Variants in TRAPPC9 observed in about 807,000 individuals in gnomAD.
TRAPPC9 encodes IKK2 binding protein.
In TRAPPC9, 83 loss-of-function variants were observed where a neutral mutation model predicts 124.0. The ratio of observed to expected loss-of-function variants is 0.67; its 90% CI spans 0.56 to 0.80. The LOEUF is 0.80. TRAPPC9 is among the 30% of genes least tolerant of loss of function. TRAPPC9 has a pLI of 0.00. For missense variants in TRAPPC9, 1,302 were observed against 1,508.3 expected (o/e 0.86, Z 2.27); for synonymous variants, 638 against 617.5 (o/e 1.03, Z -0.49).
At chr8:139,967,293 G>A (rs1445377031) in intron 19 of TRAPPC9, among the ~76,000 whole-genome samples, 2 of 152,168 alleles carry the variant, frequency 1.3e-5, no homozygotes, top group Non-Finnish European at 2.9e-5. Context: ...AATGAAAGCA[G>A]ACCGCAGCAG....
chr8:140,168,336 C>T (rs2061888555), intron 17 of TRAPPC9, among the ~76,000 whole-genome samples: 1 of 150,910 alleles, frequency 6.6e-6, no homozygotes, highest in East Asian at 2.0e-4. Flanking sequence ...CAATGTTATG[C>T]AACCACCTCT....
intron 17 of TRAPPC9, among the ~76,000 whole-genome samples, chr8:140,047,608 C>T (rs1418463476): frequency 6.6e-6 from 1 of 152,110 alleles, no homozygotes; most frequent in South Asian, 2.1e-4. Flanking sequence ...GCTCTGCCTG[C>T]TTCTCTGCAG....
chr8:140,225,246 C>G (rs907903960), intron 16 of TRAPPC9, among the ~76,000 whole-genome samples: 2 of 152,172 alleles, frequency 1.3e-5, no homozygotes, highest in African/African-American at 4.8e-5. Context: ...GTAGCTGATG[C>G]AGGCTCTAAC....
At chr8:139,866,677 A>C (rs370006378) in intron 21 of TRAPPC9, among the ~76,000 whole-genome samples, 2 of 152,316 alleles carry the variant, frequency 1.3e-5, no homozygotes, top group East Asian at 3.9e-4. Context: ...ACAAACCATA[A>C]GGAACTGTGC....
chr8:140,451,542 C>T (rs1255503913), intron 1 of TRAPPC9, among the ~76,000 whole-genome samples, 159 bp from the exon 2 acceptor site: 1 of 152,170 alleles, frequency 6.6e-6, no homozygotes, highest in Non-Finnish European at 1.5e-5. Flanking sequence ...ACGTGGCTGT[C>T]GCAGCTCTGA....
chr8:140,215,547 G>A (rs1352666536), intron 17 of TRAPPC9, among the ~76,000 whole-genome samples: 9 of 151,884 alleles, frequency 5.9e-5, no homozygotes, highest in African/African-American at 1.9e-4. Flanking sequence ...TTGGGAGGCT[G>A]AGGCAGGAGA....
chr8:139,946,079 T>C (rs1834195408), intron 19 of TRAPPC9, among the ~76,000 whole-genome samples: 1 of 152,196 alleles, frequency 6.6e-6, no homozygotes, highest in South Asian at 2.1e-4. Context: ...GATACAAATG[T>C]GTGTGGAAAT....
intron 21 of TRAPPC9, among the ~76,000 whole-genome samples, chr8:139,741,099 C>T (rs1818523378): frequency 6.6e-6 from 1 of 152,192 alleles, no homozygotes. Context: ...CCACGGCCTC[C>T]CCCTCCTCCA....
chr8:140,068,815 G>T (rs1842999076), intron 17 of TRAPPC9, among the ~76,000 whole-genome samples: 1 of 152,194 alleles, frequency 6.6e-6, no homozygotes, highest in South Asian at 2.1e-4. Flanking sequence ...AATTAAATCA[G>T]TGAGTATTAA....
chr8:139,836,304 C>T (rs1826344570), intron 21 of TRAPPC9, among the ~76,000 whole-genome samples: 1 of 152,216 alleles, frequency 6.6e-6, no homozygotes, highest in African/African-American at 2.4e-5. Context: ...CACCACACCC[C>T]AGTAAAGGGA....
intron 21 of TRAPPC9, among the ~76,000 whole-genome samples, chr8:139,839,775 C>T (rs1393281986): frequency 6.6e-6 from 1 of 152,168 alleles, no homozygotes; most frequent in Non-Finnish European, 1.5e-5. Context: ...CCAGGGTGAG[C>T]AAACGGACCA....
chr8:139,965,110 T>TA (rs1396900060), intron 19 of TRAPPC9, among the ~76,000 whole-genome samples: 1 of 151,948 alleles, frequency 6.6e-6, no homozygotes, highest in Non-Finnish European at 1.5e-5. Flanking sequence ...AGGGGGTCTC[T>TA]GGGGGACACA....
At chr8:140,078,970 TC>T (rs1194252150) in intron 17 of TRAPPC9, among the ~76,000 whole-genome samples, 3 of 152,260 alleles carry the variant, frequency 2.0e-5, no homozygotes, top group African/African-American at 7.2e-5. Context: ...GAATTGTAGC[TC>T]CCATAATTCC....
At chr8:139,972,270 TA>T (rs1836151507) in intron 19 of TRAPPC9, among the ~76,000 whole-genome samples, 1 of 152,188 alleles carries the variant, frequency 6.6e-6, no homozygotes, top group Admixed American at 6.5e-5. Flanking sequence ...TCTCAGCTTA[TA>T]AAATGCCCAT....
Position 140,070,008 on chromosome 8 carries a change from G to A in TRAPPC9, c.2557-45929C>T, listed in dbSNP as rs186081805. Among the ~76,000 whole-genome samples the A allele has an allele frequency of 4.8e-4, 73 of 152,262 alleles. 1 individual carries two copies. The highest frequency in any genetic ancestry group is 2.1e-3 in the South Asian group (10 of 4,824). ...GCCTTTCTGTTCCACCCAGGCCCCCGGCTAATGGATGGTGCCACCCACACT... is the reference window on the plus strand; with the variant it reads ...GCCTTTCTGTTCCACCCAGGCCCCCAGCTAATGGATGGTGCCACCCACACT... On this transcript the variant is annotated intron_variant, in intron 17 of 22. Transcript: ENST00000438773.
chr8:140,338,954 C>T (rs2067119508), intron 9 of TRAPPC9, among the ~76,000 whole-genome samples: 1 of 120,908 alleles, frequency 8.3e-6, no homozygotes, highest in African/African-American at 3.4e-5. Context: ...AGAAAACCAC[C>T]GCCACCAGAC....
In TRAPPC9 at chr8:140,397,708, A is replaced by T; in HGVS notation, c.1046T>A (p.Ile349Asn). 6.2e-7 allele frequency: 1 copy of T among 1,614,190 alleles called. No homozygotes were observed. Among genetic ancestry groups the T allele is most frequent in the South Asian group, 1.1e-5 (1 of 91,084 alleles). ...AATTGCAAGGACACGTACAGCCTTG[A>T]TGCACGCTTCCAACTCAATCACTCC... ...NAGVIELEACIKAVRVLAIQK... is the reference protein window; with the variant it reads ...NAGVIELEACNKAVRVLAIQK... Residue 349 changes from isoleucine (I) to asparagine (N), a missense_variant, in exon 7 of 23, where the codon ATC (isoleucine) becomes AAC (asparagine). Transcript: ENST00000438773.
intron 1 of TRAPPC9, among the ~76,000 whole-genome samples, chr8:140,455,628 A>G (rs1157281464): frequency 6.7e-6 from 1 of 150,076 alleles, no homozygotes; most frequent in Non-Finnish European, 1.5e-5. Context: ...AGGGGGTTTC[A>G]CCATGTTGGC....
intron 12 of TRAPPC9, among the ~76,000 whole-genome samples, chr8:140,288,111 T>C (rs1197065509): frequency 6.6e-6 from 1 of 152,046 alleles, no homozygotes; most frequent in Non-Finnish European, 1.5e-5. Flanking sequence ...GAGGCCAAGG[T>C]GGAAAGAACA....
Sources: allele counts gnomAD v4.1 joint callset (sites outside exome capture counted in the v4.1 genomes callset), GRCh38; gene constraint gnomAD v4.1.1; transcripts MANE v1.5; gene names NCBI Gene and HGNC (gene_info 2026-07-23, HGNC 2026-07-21).